The following CDH13 variants were observed in gnomAD, a reference collection of about 807,000 sequenced individuals.
CDH13 encodes cadherin 13, also known as cadherin-13.
Under a neutral mutation model 63.8 loss-of-function variants are expected in CDH13, and 24 were observed. The ratio of observed to expected loss-of-function variants is 0.38; its 90% confidence interval spans 0.27 to 0.53. The LOEUF is 0.53. CDH13 is among the 20% of genes least tolerant of loss of function. The probability of loss-of-function intolerance (pLI) is 0.85; values close to 1 mark genes in which losing one functional copy is unlikely to be tolerated. For missense variants in CDH13, 1,049 were observed against 903.1 expected, an observed-to-expected ratio of 1.16 and a Z score of -2.07; for synonymous variants, 503 against 355.3, an observed-to-expected ratio of 1.42 and a Z score of -4.67.
chr16:82,979,975 C>T (rs547884447), intron 2 of CDH13, among the ~76,000 whole-genome samples: 18 of 152,234 alleles, frequency 1.2e-4, no homozygotes, highest in Middle Eastern at 6.8e-3. Context: ...AGATGACTCA[C>T]TGAAATTTAA....
At chr16:83,230,882 G>C (rs888234027) in intron 5 of CDH13, among the ~76,000 whole-genome samples, 3 of 152,198 alleles carry the variant, frequency 2.0e-5, no homozygotes, top group African/African-American at 7.2e-5. Flanking sequence ...AGGAAATCTG[G>C]GCCCTAAGAT....
chr16:83,120,682 G>T (rs1035445347), intron 3 of CDH13, among the ~76,000 whole-genome samples: 2 of 150,898 alleles, frequency 1.3e-5, no homozygotes, highest in African/African-American at 4.9e-5. Context: ...TCCTATTTTT[G>T]CCACCCTTAA....
chr16:82,870,141 A>G (rs948362025), intron 2 of CDH13, among the ~76,000 whole-genome samples: 2 of 152,216 alleles, frequency 1.3e-5, no homozygotes, highest in African/African-American at 4.8e-5. Context: ...AAAAAATCTC[A>G]TTAAAAATGG....
chr16:82,756,658 G>A (rs1005848503), intron 1 of CDH13, among the ~76,000 whole-genome samples: 6 of 152,090 alleles, frequency 3.9e-5, no homozygotes, highest in African/African-American at 1.4e-4. Flanking sequence ...TATAGTATTA[G>A]CTACTATTAG....
At chr16:83,550,233 A>G (rs2075465783) in intron 7 of CDH13, among the ~76,000 whole-genome samples, 1 of 152,188 alleles carries the variant, frequency 6.6e-6, no homozygotes, top group Admixed American at 6.5e-5. Flanking sequence ...ACACCTGTGG[A>G]ATCTCTTGGT....
intron 7 of CDH13, among the ~76,000 whole-genome samples, chr16:83,526,684 G>A (rs1374633857): frequency 1.3e-5 from 2 of 152,146 alleles, no homozygotes. Flanking sequence ...GATGAAATTT[G>A]CTGCCACTGT....
At chr16:82,766,399 T>A (rs2035054813) in intron 1 of CDH13, among the ~76,000 whole-genome samples, 1 of 152,230 alleles carries the variant, frequency 6.6e-6, no homozygotes, top group African/African-American at 2.4e-5. Context: ...TTGGGGAATA[T>A]TCTACCTTGC....
intron 11 of CDH13, among the ~76,000 whole-genome samples, chr16:83,767,821 A>G (rs974485828): frequency 1.3e-5 from 2 of 152,140 alleles, no homozygotes; most frequent in Non-Finnish European, 2.9e-5. Flanking sequence ...CAGAAAATTG[A>G]TCAGTAGTTG....
At chr16:83,145,586 C>G (rs1365175364) in intron 4 of CDH13, among the ~76,000 whole-genome samples, 1 of 152,202 alleles carries the variant, frequency 6.6e-6, no homozygotes, top group East Asian at 1.9e-4. Context: ...CATTCAGGGT[C>G]CCACTTTGAT....
intron 3 of CDH13, among the ~76,000 whole-genome samples, chr16:83,117,021 C>T (rs1022407196): frequency 3.9e-5 from 6 of 152,200 alleles, no homozygotes; most frequent in African/African-American, 1.2e-4. Flanking sequence ...CGCTGAGCTA[C>T]AGTGAATGTA....
intron 6 of CDH13, among the ~76,000 whole-genome samples, chr16:83,401,267 A>G (rs1434505133): frequency 6.6e-6 from 1 of 151,774 alleles, no homozygotes; most frequent in African/African-American, 2.4e-5. Flanking sequence ...TGAACCCAGG[A>G]GGCAGAGGTT....
rs553811064 is a variant in CDH13, at chr16:83,437,840, A to T, written c.782-48637A>T. Among the ~76,000 whole-genome samples, 6 of 152,332 alleles carry T rather than the reference A, an allele frequency of 3.9e-5. No homozygotes were observed. In the South Asian group the frequency reaches 1.2e-3, roughly 32 times the overall value. On this transcript the variant is annotated intron_variant, in intron 6 of 13. Transcript: ENST00000567109. Reference sequence around the variant, plus strand: ...GCCAAAGGGTAGAAATTAATGTGGAATTCAACTTAGGAGAAAAAGCAAATA... The same window carrying T: ...GCCAAAGGGTAGAAATTAATGTGGATTTCAACTTAGGAGAAAAAGCAAATA...
intron 5 of CDH13, among the ~76,000 whole-genome samples, chr16:83,226,685 G>A (rs1446330828): frequency 6.6e-6 from 1 of 152,196 alleles, no homozygotes; most frequent in Non-Finnish European, 1.5e-5. Context: ...CATTGGGACT[G>A]CAAGAGCCTT....
chr16:83,478,467 C>G (rs2073670234), intron 6 of CDH13, among the ~76,000 whole-genome samples: 1 of 152,116 alleles, frequency 6.6e-6, no homozygotes, highest in Non-Finnish European at 1.5e-5. Context: ...TCATTAGCAT[C>G]TTCATCAAAA....
At chr16:83,380,164 G>A (rs1265126174) in intron 6 of CDH13, among the ~76,000 whole-genome samples, 2 of 151,826 alleles carry the variant, frequency 1.3e-5, no homozygotes, top group African/African-American at 2.4e-5. Context: ...GAAAGTCATA[G>A]AACAGGATAT....
intron 8 of CDH13, among the ~76,000 whole-genome samples, chr16:83,629,210 C>A (rs1910572096): frequency 6.6e-6 from 1 of 152,210 alleles, no homozygotes; most frequent in African/African-American, 2.4e-5. Context: ...TTCATACCTG[C>A]ACAATTTACC....
intron 5 of CDH13, among the ~76,000 whole-genome samples, chr16:83,228,106 G>A (rs184574556): frequency 9.9e-4 from 151 of 152,310 alleles, no homozygotes; most frequent in African/African-American, 3.3e-3. Context: ...TCTCCTGAGG[G>A]CAGGAATGAG....
At position 83,799,942 on chromosome 16, in the gene CDH13, A is replaced by G. The variant is rs1455671625; in HGVS notation, c.*4912A>G. On this transcript the variant is annotated 3_prime_UTR_variant, in exon 14 of 14. Coordinates refer to ENST00000567109, the MANE Select transcript of CDH13 (RefSeq NM_001257.5). ...AGGGTTTCAGATAAGAACTTCAATT[A>G]TATAATTTAAGAAGAGTCAGTCTAT... The G allele has an allele frequency of 7.8e-6, 1 of 127,470 alleles. No individual in the cohort carries two copies. The highest frequency in any genetic ancestry group is 1.9e-5 in the Non-Finnish European group (1 of 53,774). The allele number at this position is 127,470 out of a possible 1,614,324, so 7.9% of individuals were successfully genotyped here.
At chr16:82,666,125 G>A (rs1196520651) in intron 1 of CDH13, among the ~76,000 whole-genome samples, 2 of 152,176 alleles carry the variant, frequency 1.3e-5, no homozygotes, top group Admixed American at 6.5e-5. Context: ...TGCCTATAAC[G>A]ATCTCACGTC....
Sources: gnomAD v4.1 joint callset for allele counts (sites outside exome capture counted in the v4.1 genomes callset) on GRCh38, gnomAD v4.1.1 for gene constraint, MANE v1.5 for transcripts, NCBI Gene and HGNC (gene_info 2026-07-23, HGNC 2026-07-21) for gene names.